LTBP1: variants seen among roughly 807,000 people sequenced by gnomAD.
The protein encoded by LTBP1 is latent-transforming growth factor beta-binding protein 1.
Under a neutral mutation model 207.6 loss-of-function variants are expected in LTBP1, and 129 were observed. The observed-to-expected ratio is 0.62, with a 90% CI of 0.54 to 0.72. LTBP1 has a LOEUF of 0.72. LTBP1 is among the 30% of genes least tolerant of loss of function. The pLI is 0.00. For missense variants in LTBP1, 2,281 were observed against 2,217.2 expected, an observed-to-expected ratio of 1.03 and a Z score of -0.58; for synonymous variants, 963 against 833.7, an observed-to-expected ratio of 1.16 and a Z score of -2.67.
chr2:33,131,645 C>T (rs1289760003), intron 4 of LTBP1, among the ~76,000 whole-genome samples: 1 of 152,292 alleles, frequency 6.6e-6, no homozygotes, highest in East Asian at 1.9e-4. Context: ...GGAGGACCCG[C>T]TTAGAATACA....
chr2:32,970,570 G>T (rs975378985), intron 2 of LTBP1, among the ~76,000 whole-genome samples: 1 of 151,980 alleles, frequency 6.6e-6, no homozygotes, highest in African/African-American at 2.4e-5. Flanking sequence ...GATGGTGGTC[G>T]GTGTGTGGCT....
chr2:32,976,120 T>C (rs1681738950), intron 2 of LTBP1, among the ~76,000 whole-genome samples: 1 of 152,222 alleles, frequency 6.6e-6, no homozygotes, highest in African/African-American at 2.4e-5. Context: ...TTGATTGTGG[T>C]CTAAAGTGGG....
intron 4 of LTBP1, among the ~76,000 whole-genome samples, chr2:33,116,506 G>A (rs377305474): frequency 2.6e-5 from 4 of 152,098 alleles, no homozygotes; most frequent in African/African-American, 9.7e-5. Flanking sequence ...GTGCTAACGT[G>A]GGGGAGAAAG....
chr2:33,166,976 G>A (rs1297226610), intron 5 of LTBP1, among the ~76,000 whole-genome samples: 4 of 152,088 alleles, frequency 2.6e-5, no homozygotes, highest in African/African-American at 9.7e-5. Flanking sequence ...TTAAAAATAT[G>A]CTGACTGATG....
chr2:33,246,566 G>A (rs544053622), intron 10 of LTBP1, among the ~76,000 whole-genome samples: 1 of 152,236 alleles, frequency 6.6e-6, no homozygotes, highest in African/African-American at 2.4e-5. Flanking sequence ...ACCAGCCAGG[G>A]ATGAAGCCTG....
At position 33,020,932 on chromosome 2, in the gene LTBP1, A is replaced by G. The variant is rs1027435659; in HGVS notation, c.589A>G (p.Asn197Asp). Residue 197 changes from asparagine (N) to aspartate (D), a missense_variant, in exon 3 of 34, where the codon AAT becomes GAT. Asn to Asp is a conservative substitution (Grantham distance 23). This residue lies in a region of LTBP1 where 555 missense variants were observed against 491.0 expected (regional missense o/e 1.13). Coordinates refer to ENST00000404816, the MANE Select transcript of LTBP1 (RefSeq NM_206943.4). Reference protein sequence around the residue: ...TKPSCVPPCQNGGMCLRPQLC... With the variant: ...TKPSCVPPCQDGGMCLRPQLC... ...AGCTAGCTGTGTTCCGCCATGTCAGAATGGAGGGATGTGTCTCCGGCCACA... is the reference window on the plus strand; with the variant it reads ...AGCTAGCTGTGTTCCGCCATGTCAGGATGGAGGGATGTGTCTCCGGCCACA... The G allele has an allele frequency of 6.3e-7, 1 of 1,592,554 alleles. No individual in the cohort carries two copies.
chr2:33,072,096 C>A (rs899520175), intron 3 of LTBP1, among the ~76,000 whole-genome samples: 4 of 152,178 alleles, frequency 2.6e-5, no homozygotes, highest in Non-Finnish European at 5.9e-5. Context: ...CAACCAGTGT[C>A]AAGTTGGGGT....
intron 2 of LTBP1, among the ~76,000 whole-genome samples, chr2:32,962,047 T>A (rs958610949): frequency 4.6e-5 from 7 of 152,140 alleles, no homozygotes; most frequent in African/African-American, 4.8e-5. Context: ...ACACTTTTTT[T>A]AATAATGTGT....
intron 31 of LTBP1, among the ~76,000 whole-genome samples, chr2:33,368,628 G>A (rs549845039): frequency 6.6e-6 from 1 of 152,364 alleles, no homozygotes; most frequent in South Asian, 2.1e-4. Flanking sequence ...TGTAGTCCCA[G>A]CATGTTGGGA....
intron 7 of LTBP1, among the ~76,000 whole-genome samples, chr2:33,193,720 T>G (rs1266016484): frequency 6.6e-6 from 1 of 152,184 alleles, no homozygotes; most frequent in Admixed American, 6.5e-5. Context: ...GTTATGGTGA[T>G]GTGTGATAAG....
intron 31 of LTBP1, among the ~76,000 whole-genome samples, chr2:33,368,972 G>T (rs2095033749): frequency 6.6e-6 from 1 of 152,000 alleles, no homozygotes; most frequent in Non-Finnish European, 1.5e-5. Flanking sequence ...TTTGTTATGA[G>T]AAATGAATTT....
In LTBP1 at chr2:33,159,255, A is replaced by G. The variant is rs551693993; in HGVS notation, c.1201+24295A>G. On this transcript the variant is annotated intron_variant, in intron 5 of 33. Transcript: ENST00000404816. ...CGTCCTATCACAAATAATGAAAAAT[A>G]TGGGTCCTTTCAGCATACAGATGAC... Among the ~76,000 whole-genome samples, 4 of 152,280 alleles carry G rather than the reference A, an allele frequency of 2.6e-5. No individual in the cohort carries two copies. In the South Asian group the frequency reaches 8.3e-4, roughly 32 times the overall value.
intron 19 of LTBP1, among the ~76,000 whole-genome samples, 163 bp from the exon 20 acceptor site, chr2:33,292,997 C>T (rs998144127): frequency 2.6e-5 from 4 of 152,196 alleles, no homozygotes; most frequent in Non-Finnish European, 2.9e-5. Context: ...ATTTAGCTCA[C>T]GACAAGCTGC....
chr2:33,345,422 T>A (rs2094688913), intron 25 of LTBP1, among the ~76,000 whole-genome samples: 1 of 152,274 alleles, frequency 6.6e-6, no homozygotes, highest in South Asian at 2.1e-4. Flanking sequence ...TATTTCTTGA[T>A]TGAATTATTG....
intron 2 of LTBP1, among the ~76,000 whole-genome samples, chr2:32,966,588 A>C (rs1337938863): frequency 1.3e-5 from 2 of 152,150 alleles, no homozygotes; most frequent in African/African-American, 4.8e-5. Flanking sequence ...TTCTTATCAT[A>C]AGTGAGTGTT....
chr2:33,362,935 C>T (rs2094943290), intron 28 of LTBP1, among the ~76,000 whole-genome samples: 1 of 152,156 alleles, frequency 6.6e-6, no homozygotes, highest in African/African-American at 2.4e-5. Flanking sequence ...CCCTCAGCAA[C>T]TTGTGCTTTC....
At chr2:33,051,140 G>A (rs925516620) in intron 3 of LTBP1, among the ~76,000 whole-genome samples, 3 of 152,168 alleles carry the variant, frequency 2.0e-5, no homozygotes, top group Non-Finnish European at 2.9e-5. Context: ...GTCCCCGCCC[G>A]TTGTGGTGGC....
chr2:33,172,919 A>G (rs918089479), intron 5 of LTBP1, among the ~76,000 whole-genome samples: 1 of 152,184 alleles, frequency 6.6e-6, no homozygotes, highest in African/African-American at 2.4e-5. Flanking sequence ...GTACATAACA[A>G]AATGAAGGCA....
At chr2:33,121,370 T>G (rs1360839592) in intron 4 of LTBP1, among the ~76,000 whole-genome samples, 1 of 152,050 alleles carries the variant, frequency 6.6e-6, no homozygotes, top group East Asian at 1.9e-4. Flanking sequence ...ATAAACAGAT[T>G]TAGAAAGCTT....
Sources: gnomAD v4.1 joint callset for allele counts (sites outside exome capture counted in the v4.1 genomes callset) on GRCh38, gnomAD v4.1.1 for gene constraint, gnomAD v4.1.1 regional missense constraint, MANE v1.5 for transcripts, NCBI Gene and HGNC (gene_info 2026-07-23, HGNC 2026-07-21) for gene names.